FGGY: variants seen among roughly 807,000 people sequenced by gnomAD.
The protein encoded by FGGY is FGGY carbohydrate kinase domain-containing protein.
Under a neutral mutation model 71.3 loss-of-function variants are expected in FGGY, and 72 were observed. The observed-to-expected ratio is 1.01, with a 90% CI of 0.84 to 1.23. The LOEUF (loss-of-function observed/expected upper bound fraction) is 1.23, where lower values mean the gene tolerates loss of function less well. Ranked by LOEUF, FGGY falls within the 50% of genes most tolerant of loss-of-function variation. The pLI is 0.00. For missense variants in FGGY, 668 were observed against 682.3 expected (o/e 0.98, Z 0.23); for synonymous variants, 251 against 250.3 (o/e 1.00, Z -0.02).
chr1:59,332,463 G>C (rs186573543), intron 2 of FGGY, among the ~76,000 whole-genome samples: 1 of 152,298 alleles, frequency 6.6e-6, no homozygotes, highest in African/African-American at 2.4e-5. Flanking sequence ...ATCTTTCTGG[G>C]ATGGTTTAGA....
chr1:59,556,066 G>C (rs2095680778), intron 8 of FGGY, among the ~76,000 whole-genome samples: 1 of 152,232 alleles, frequency 6.6e-6, no homozygotes, highest in East Asian at 1.9e-4. Context: ...AGGCTCAGCT[G>C]TCCCTGAAGG....
intron 2 of FGGY, among the ~76,000 whole-genome samples, chr1:59,327,996 A>G (rs754934335): frequency 6.6e-5 from 10 of 152,212 alleles, no homozygotes; most frequent in Non-Finnish European, 7.3e-5. Flanking sequence ...CCATTTCTAG[A>G]GCACAGGCAG....
At chr1:59,537,748 A>G (rs1484585986) in intron 7 of FGGY, among the ~76,000 whole-genome samples, 11 of 152,096 alleles carry the variant, frequency 7.2e-5, no homozygotes, top group Non-Finnish European at 1.3e-4. Flanking sequence ...CAATGGGGAA[A>G]GGATTCCCTA....
chr1:59,513,551 A>C (rs1385754670), intron 7 of FGGY, among the ~76,000 whole-genome samples: 1 of 152,254 alleles, frequency 6.6e-6, no homozygotes, highest in Non-Finnish European at 1.5e-5. Flanking sequence ...AGGTGTATTT[A>C]GAAATTCTCT....
intron 7 of FGGY, among the ~76,000 whole-genome samples, chr1:59,525,440 T>G (rs1483625335): frequency 6.6e-6 from 1 of 152,192 alleles, no homozygotes; most frequent in Non-Finnish European, 1.5e-5. Flanking sequence ...ATGACAGTAC[T>G]TCATGCCTCA....
chr1:59,364,556 A>G (rs551857776), intron 4 of FGGY, among the ~76,000 whole-genome samples: 2 of 152,362 alleles, frequency 1.3e-5, no homozygotes, highest in African/African-American at 2.4e-5. Context: ...CTCATCATCT[A>G]TAGATCAGAC....
At chr1:59,452,892 G>T (rs2091327341) in intron 5 of FGGY, among the ~76,000 whole-genome samples, 1 of 152,082 alleles carries the variant, frequency 6.6e-6, no homozygotes, top group African/African-American at 2.4e-5. Flanking sequence ...ACCTTTGGGT[G>T]GGGGTGACTA....
At chr1:59,480,863 C>A (rs2093442242) in intron 6 of FGGY, among the ~76,000 whole-genome samples, 1 of 152,150 alleles carries the variant, frequency 6.6e-6, no homozygotes, top group African/African-American at 2.4e-5. Context: ...GGAACTTAAA[C>A]TTCATCCCGT....
chr1:59,472,195 G>A (rs2092982336), intron 6 of FGGY, among the ~76,000 whole-genome samples: 1 of 152,232 alleles, frequency 6.6e-6, no homozygotes, highest in East Asian at 1.9e-4. Context: ...CCGGGTGGGT[G>A]TGGGCTCGGC....
intron 7 of FGGY, among the ~76,000 whole-genome samples, chr1:59,536,709 C>A (rs929150850): frequency 6.6e-6 from 1 of 152,088 alleles, no homozygotes; most frequent in African/African-American, 2.4e-5. Context: ...ATAGGTAAAT[C>A]AAAAAATATA....
In FGGY at chr1:59,678,032, G is replaced by A. The variant is rs539052906; in HGVS notation, c.1512+3899G>A. ...TTAAAGAGTTGCCCCTCTTTAGAAA[G>A]GGTGTTTTCCTTTTAGTAGTTTTCA... is the stretch of plus-strand genomic sequence containing the variant. On this transcript the variant is annotated intron_variant, in intron 14 of 15. Transcript: ENST00000303721. Among the ~76,000 whole-genome samples the A allele has an allele frequency of 2.0e-5, 3 of 152,294 alleles. No homozygotes were observed. In the South Asian group the frequency reaches 6.2e-4, roughly 32 times the overall value.
rs112191930 is a variant in FGGY, at chr1:59,612,763, G to A, written c.1011+4853G>A. Among the ~76,000 whole-genome samples, 1,214 of 152,120 alleles carry A rather than the reference G, an allele frequency of 8.0e-3. 18 individuals carry two copies. The highest frequency in any genetic ancestry group is 0.028 in the African/African-American group (1,153 of 41,524). The stretch of plus-strand genomic sequence containing the variant: ...TATTCAGGAAACCCATCTCACGTGC[G>A]GAGACACACATAGTCTCAAAATAAA... On this transcript the variant is annotated intron_variant, in intron 9 of 15. Transcript: ENST00000303721.
intron 11 of FGGY, among the ~76,000 whole-genome samples, chr1:59,655,101 C>T (rs974069619): frequency 6.6e-6 from 1 of 152,118 alleles, no homozygotes; most frequent in African/African-American, 2.4e-5. Flanking sequence ...TCACTAGTCT[C>T]CAGTGCCCCT....
chr1:59,572,714 C>T (rs574223656), intron 8 of FGGY, among the ~76,000 whole-genome samples: 37 of 152,258 alleles, frequency 2.4e-4, no homozygotes, highest in Admixed American at 3.9e-4. Context: ...ATCAGCAGCA[C>T]TTCCTTGGTG....
intron 6 of FGGY, among the ~76,000 whole-genome samples, chr1:59,475,205 T>G (rs2093202570): frequency 6.6e-6 from 1 of 152,314 alleles, no homozygotes; most frequent in Non-Finnish European, 1.5e-5. Context: ...ACAATAAGAT[T>G]AATTAGATTT....
chr1:59,696,923 A>G (rs1177668078), intron 14 of FGGY, among the ~76,000 whole-genome samples: 2 of 152,172 alleles, frequency 1.3e-5, no homozygotes, highest in African/African-American at 4.8e-5. Context: ...GTGCATGGCC[A>G]GAGAGCTCGT....
At chr1:59,721,085 A>G (rs1429699960) in intron 14 of FGGY, among the ~76,000 whole-genome samples, 2 of 152,096 alleles carry the variant, frequency 1.3e-5, no homozygotes, top group Non-Finnish European at 1.5e-5. Flanking sequence ...TTTATCAGAG[A>G]GATGCCATTC....
rs58170089 is a variant in FGGY, at chr1:59,499,299, G to GTTTTTTTT, written c.671-13003_671-12996dup. The stretch of plus-strand genomic sequence containing the variant: ...ACTGAACCCTATGTATACTATGTTT[G>GTTTTTTTT]TTTTTTTTTTTTTTTTGATCTGGTA... On this transcript the variant is annotated intron_variant, in intron 6 of 15. Coordinates refer to ENST00000303721, the MANE Select transcript of FGGY (RefSeq NM_018291.5). 3.8e-4 allele frequency among the ~76,000 whole-genome samples: 40 copies of GTTTTTTTT among 105,802 alleles called. 3 individuals carry two copies. The highest frequency in any genetic ancestry group is 1.2e-3 in the African/African-American group (31 of 25,470). 69.4% of individuals were successfully genotyped at this position (105,802 alleles called of 152,430 possible).
intron 5 of FGGY, among the ~76,000 whole-genome samples, chr1:59,451,354 T>C (rs555190977): frequency 6.9e-6 from 1 of 145,338 alleles, no homozygotes; most frequent in East Asian, 2.0e-4. Context: ...TTCCAGACTG[T>C]TACTAAGTTT....
Sources: allele counts gnomAD v4.1 joint callset (sites outside exome capture counted in the v4.1 genomes callset), GRCh38; gene constraint gnomAD v4.1.1; transcripts MANE v1.5; gene names NCBI Gene and HGNC (gene_info 2026-07-23, HGNC 2026-07-21).